Variants in GALNTL6 observed in about 807,000 individuals in gnomAD.
GALNTL6 encodes polypeptide N-acetylgalactosaminyltransferase like 6, also known as polypeptide N-acetylgalactosaminyltransferase-like 6.
GALNTL6 carries 46 observed loss-of-function variants against 73.7 expected under a neutral mutation model. The ratio of observed to expected loss-of-function variants is 0.62; its 90% CI spans 0.49 to 0.80. The LOEUF (loss-of-function observed/expected upper bound fraction) is 0.80. Among genes scored for constraint, GALNTL6 ranks in the 30% least tolerant of loss-of-function variants. The pLI, the probability that GALNTL6 is intolerant of heterozygous loss-of-function variation, is 0.00. For missense variants in GALNTL6, 604 were observed against 755.0 expected (o/e 0.80, Z 2.34); for synonymous variants, 259 against 263.7 (o/e 0.98, Z 0.17).
chr4:172,622,037 T>G (rs1424095078), intron 5 of GALNTL6, among the ~76,000 whole-genome samples: 1 of 152,114 alleles, frequency 6.6e-6, no homozygotes, highest in East Asian at 1.9e-4. Flanking sequence ...CCATCCCTGG[T>G]CCTCACACTA....
At chr4:172,583,411 A>G (rs1737272231) in intron 5 of GALNTL6, among the ~76,000 whole-genome samples, 1 of 152,236 alleles carries the variant, frequency 6.6e-6, no homozygotes, top group African/African-American at 2.4e-5. Flanking sequence ...CTAGAAACAG[A>G]TGATTCAAAA....
intron 3 of GALNTL6, among the ~76,000 whole-genome samples, chr4:172,264,810 CCTAA>C (rs1412125205): frequency 6.7e-6 from 1 of 150,204 alleles, no homozygotes; most frequent in Non-Finnish European, 1.5e-5. Flanking sequence ...TGAGCTTTAT[CCTAA>C]CTATCTACTG....
intron 12 of GALNTL6, among the ~76,000 whole-genome samples, chr4:173,029,314 A>C (rs958314522): frequency 6.6e-6 from 1 of 152,180 alleles, no homozygotes; most frequent in African/African-American, 2.4e-5. Flanking sequence ...TATTTAATTC[A>C]TTTTACTCAA....
At chr4:172,403,500 T>C (rs562158698) in intron 5 of GALNTL6, among the ~76,000 whole-genome samples, 1 of 151,906 alleles carries the variant, frequency 6.6e-6, no homozygotes, top group Non-Finnish European at 1.5e-5. Flanking sequence ...TAATTCAGAG[T>C]TTGGCAAGGA....
chr4:173,009,342 G>C, intron 11 of GALNTL6, 48 bp downstream of exon 11: 1 of 1,074,640 alleles, frequency 9.3e-7, no homozygotes, highest in Non-Finnish European at 1.5e-6. Flanking sequence ...GTCGGGGGCT[G>C]ATGCAGACAC....
intron 2 of GALNTL6, among the ~76,000 whole-genome samples, chr4:172,172,638 G>C (rs567007615): frequency 1.3e-5 from 2 of 152,160 alleles, no homozygotes; most frequent in Admixed American, 1.3e-4. Flanking sequence ...TCAACATCAT[G>C]ATCTTAGACT....
chr4:172,883,981 C>T (rs1745588322), intron 8 of GALNTL6, among the ~76,000 whole-genome samples: 1 of 152,104 alleles, frequency 6.6e-6, no homozygotes, highest in Non-Finnish European at 1.5e-5. Context: ...CTTTTTATGA[C>T]TGCATAATAT....
chr4:172,060,432 G>T (rs561378583), intron 2 of GALNTL6, among the ~76,000 whole-genome samples: 5 of 151,918 alleles, frequency 3.3e-5, no homozygotes, highest in Non-Finnish European at 7.4e-5. Context: ...TACTTTAATT[G>T]CTCTACTCTC....
Position 172,996,902 on chromosome 4 carries a change from T to C in GALNTL6, c.1372-12276T>C, listed in dbSNP as rs80131304. Among the ~76,000 whole-genome samples the C allele has an allele frequency of 5.1e-3, 780 of 152,260 alleles. 5 individuals are homozygous for C. The highest frequency in any genetic ancestry group is 0.017 in the African/African-American group (727 of 41,552). The stretch of plus-strand genomic sequence containing the variant: ...AGAGCCTCTTGCAAAGGTTAGGAGA[T>C]GTTTGCTCCTATTGCTACTCCATGG... On this transcript the variant is annotated intron_variant, in intron 10 of 12. Coordinates refer to ENST00000506823, the MANE Select transcript of GALNTL6 (RefSeq NM_001034845.3).
At chr4:172,175,583 T>C (rs916516611) in intron 2 of GALNTL6, among the ~76,000 whole-genome samples, 1 of 152,222 alleles carries the variant, frequency 6.6e-6, no homozygotes, top group Non-Finnish European at 1.5e-5. Context: ...ATAAGTGATT[T>C]TGGGGAAGAA....
At chr4:171,921,488 T>C (rs1229541894) in intron 2 of GALNTL6, among the ~76,000 whole-genome samples, 2 of 152,234 alleles carry the variant, frequency 1.3e-5, no homozygotes, top group African/African-American at 4.8e-5. Flanking sequence ...GTCACAGGTA[T>C]ACTTGGCTTA....
intron 5 of GALNTL6, among the ~76,000 whole-genome samples, chr4:172,635,579 T>C (rs1739632289): frequency 6.6e-6 from 1 of 152,152 alleles, no homozygotes; most frequent in African/African-American, 2.4e-5. Flanking sequence ...AATATACTTA[T>C]TCAATAATTT....
At chr4:172,241,294 C>T (rs550250819) in intron 3 of GALNTL6, among the ~76,000 whole-genome samples, 4 of 151,966 alleles carry the variant, frequency 2.6e-5, no homozygotes, top group South Asian at 2.1e-4. Flanking sequence ...AGGTGGTATA[C>T]GCAGTGGAAG....
At chr4:172,041,353 A>C (rs534749077) in intron 2 of GALNTL6, among the ~76,000 whole-genome samples, 1 of 152,218 alleles carries the variant, frequency 6.6e-6, no homozygotes, top group East Asian at 1.9e-4. Flanking sequence ...CAAGCTATCA[A>C]TTATATTAAG....
In GALNTL6 at chr4:172,818,529, T is replaced by C. The variant is rs375919069; in HGVS notation, c.923+4806T>C. ...ACTGACATTCTCTATTTTCCATCTA[T>C]GGTATACATCAATTTCCAAAATGCT... On this transcript the variant is annotated intron_variant, in intron 7 of 12. Coordinates refer to ENST00000506823, the MANE Select transcript of GALNTL6 (RefSeq NM_001034845.3). 1.9e-4 allele frequency among the ~76,000 whole-genome samples: 29 copies of C among 152,322 alleles called. No individual in the cohort carries two copies. The East Asian group carries it at 3.9e-3, about 20-fold the overall frequency.
chr4:172,971,046 AGTCCCTCTGTTCAGG>A (rs1182584588), intron 10 of GALNTL6, among the ~76,000 whole-genome samples: 6 of 152,212 alleles, frequency 3.9e-5, no homozygotes, highest in African/African-American at 1.2e-4. Context: ...GGTTCCAGCC[AGTCCCTCTGTTCAGG>A]GTCCCTGACT....
At chr4:171,905,478 C>T (rs1183465758) in intron 2 of GALNTL6, among the ~76,000 whole-genome samples, 44 of 150,830 alleles carry the variant, frequency 2.9e-4, no homozygotes, top group Admixed American at 9.2e-4. Flanking sequence ...TACAGGAGCA[C>T]CCAGATTCAT....
At chr4:172,337,088 C>A (rs928804921) in intron 4 of GALNTL6, among the ~76,000 whole-genome samples, 8 of 152,082 alleles carry the variant, frequency 5.3e-5, no homozygotes, top group African/African-American at 1.4e-4. Flanking sequence ...GGAATAGTGA[C>A]CCCTGCTCTT....
chr4:172,920,481 T>C (rs1041636826), intron 8 of GALNTL6, among the ~76,000 whole-genome samples: 7 of 152,192 alleles, frequency 4.6e-5, no homozygotes, highest in Admixed American at 2.6e-4. Flanking sequence ...TCTAGATAGA[T>C]GGTAAAGTGC....
Sources: gnomAD v4.1 joint callset for allele counts (sites outside exome capture counted in the v4.1 genomes callset) on GRCh38, gnomAD v4.1.1 for gene constraint, MANE v1.5 for transcripts, NCBI Gene and HGNC (gene_info 2026-07-23, HGNC 2026-07-21) for gene names.